The following RNF111 variants were observed in gnomAD, a reference collection of about 807,000 sequenced individuals.
RNF111 encodes ring finger protein 111, also known as E3 ubiquitin-protein ligase Arkadia.
Under a neutral mutation model 95.1 loss-of-function variants are expected in RNF111, and 17 were observed. The observed-to-expected ratio is 0.18, with a 90% confidence interval of 0.12 to 0.27. The LOEUF (loss-of-function observed/expected upper bound fraction) is 0.27, where lower values mean the gene tolerates loss of function less well. Among genes scored for constraint, RNF111 ranks in the 10% least tolerant of loss-of-function variants. RNF111 has a pLI of 1.00. For missense variants in RNF111, 1,189 were observed against 1,210.4 expected, an observed-to-expected ratio of 0.98 and a Z score of 0.26; for synonymous variants, 440 against 414.8, an observed-to-expected ratio of 1.06 and a Z score of -0.74.
intron 1 of RNF111, among the ~76,000 whole-genome samples, chr15:58,994,627 GCCA>G: frequency 6.6e-6 from 1 of 151,140 alleles, no homozygotes; most frequent in African/African-American, 2.4e-5. Flanking sequence ...ATAGGTGCCC[GCCA>G]CCACGTCCAG....
Position 58,988,080 on chromosome 15 carries a change from G to A in RNF111, c.-20+12G>A, listed in dbSNP as rs12905422. 43,886 of 144,718 alleles carry A rather than the reference G, an allele frequency of 0.3. 7,596 individuals are homozygous for A. The highest frequency in any genetic ancestry group is 0.53 in the African/African-American group (19,176 of 36,320). 9.0% of individuals were successfully genotyped at this position (144,718 alleles called of 1,614,324 possible). ...GGCTAATGATTAAGGTGAGGGGAAC[G>A]GGGGGGGAGGGGATCCATTGGAGGC... On this transcript the variant is annotated intron_variant, in intron 1 of 13. Coordinates refer to ENST00000348370, the MANE Select transcript of RNF111 (RefSeq NM_017610.8).
rs567537332 is a variant in RNF111 at position 59,032,446 on chromosome 15, G to T, written c.880+744G>T. ...TTTTTTCCTTTGTTTTTTTGAGGCAGCATCTGGCTTTGTTGCTCAGGCTGG... is the reference window on the plus strand; with the variant it reads ...TTTTTTCCTTTGTTTTTTTGAGGCATCATCTGGCTTTGTTGCTCAGGCTGG... On this transcript the variant is annotated intron_variant, in intron 2 of 13. Coordinates refer to ENST00000348370, the MANE Select transcript of RNF111 (RefSeq NM_017610.8). 6.6e-5 allele frequency among the ~76,000 whole-genome samples: 10 copies of T among 152,088 alleles called. 1 individual carries two copies. Among genetic ancestry groups the T allele is most frequent in the African/African-American group, 2.4e-4 (10 of 41,488 alleles).
chr15:59,032,883 G>A (rs939587577), intron 2 of RNF111, among the ~76,000 whole-genome samples: 15 of 152,094 alleles, frequency 9.9e-5, no homozygotes, highest in South Asian at 4.2e-4. Context: ...TTGCTCATGC[G>A]TGCTGACTCT....
intron 7 of RNF111, among the ~76,000 whole-genome samples, chr15:59,078,630 G>A (rs1341890031): frequency 5.9e-5 from 9 of 151,870 alleles, no homozygotes; most frequent in South Asian, 2.1e-4. Flanking sequence ...AGGCCGAGGC[G>A]GGTGGATCAC....
chr15:59,019,071 G>A (rs1198960461), intron 1 of RNF111, among the ~76,000 whole-genome samples: 2 of 150,640 alleles, frequency 1.3e-5, no homozygotes, highest in African/African-American at 4.9e-5. Context: ...CTTCAGGCAC[G>A]TGCCACCACC....
chr15:59,089,511 T>C (rs2078989860), intron 10 of RNF111, among the ~76,000 whole-genome samples, 156 bp from the exon 11 acceptor site: 1 of 152,224 alleles, frequency 6.6e-6, no homozygotes, highest in South Asian at 2.1e-4. Flanking sequence ...CTAAACCTGT[T>C]ACAGAATGCT....
chr15:59,035,520 T>G (rs762150356), intron 2 of RNF111, among the ~76,000 whole-genome samples: 1 of 152,252 alleles, frequency 6.6e-6, no homozygotes, highest in Non-Finnish European at 1.5e-5. Flanking sequence ...ACATAACTTA[T>G]GCAAATTTCT....
At chr15:59,082,695 A>G (rs756740823) in intron 8 of RNF111, among the ~76,000 whole-genome samples, 5 of 152,206 alleles carry the variant, frequency 3.3e-5, no homozygotes, top group Non-Finnish European at 7.3e-5. Flanking sequence ...AACAGAGAAC[A>G]TACGGCCTGT....
intron 5 of RNF111, among the ~76,000 whole-genome samples, chr15:59,059,725 C>A (rs1483709840): frequency 6.6e-6 from 1 of 152,092 alleles, no homozygotes; most frequent in Non-Finnish European, 1.5e-5. Context: ...ATATCTCTGG[C>A]TCTCTCTTAT....
At chr15:59,014,188 C>T (rs972564891) in intron 1 of RNF111, among the ~76,000 whole-genome samples, 1 of 152,142 alleles carries the variant, frequency 6.6e-6, no homozygotes, top group Non-Finnish European at 1.5e-5. Context: ...CAGCTTGGTT[C>T]CAGTGTCCTG....
chr15:59,015,690 C>G (rs1299482176), intron 1 of RNF111, among the ~76,000 whole-genome samples: 2 of 151,120 alleles, frequency 1.3e-5, no homozygotes, highest in African/African-American at 4.9e-5. Context: ...GTTGCCATTT[C>G]TTAGCATTGT....
chr15:59,074,476 A>ATC (rs1566934362), intron 6 of RNF111, among the ~76,000 whole-genome samples: 1 of 152,136 alleles, frequency 6.6e-6, no homozygotes, highest in Admixed American at 6.5e-5. Flanking sequence ...TTGCACTTTT[A>ATC]TCTTATAGAG....
chr15:59,086,095 C>G (rs16940998), intron 10 of RNF111, among the ~76,000 whole-genome samples: 48,209 of 151,794 alleles, frequency 0.32, 7,654 homozygotes, highest in Middle Eastern at 0.42. Flanking sequence ...GTAATAGATC[C>G]GTTCTGATGC....
chr15:59,038,346 C>T (rs184294127), intron 2 of RNF111, among the ~76,000 whole-genome samples: 312 of 152,180 alleles, frequency 2.1e-3, no homozygotes, highest in Middle Eastern at 0.01. Context: ...CATGTGTAGT[C>T]CATACTGTAT....
chr15:59,018,102 T>G (rs1234523205), intron 1 of RNF111, among the ~76,000 whole-genome samples: 2 of 152,132 alleles, frequency 1.3e-5, no homozygotes, highest in Admixed American at 6.6e-5. Flanking sequence ...AATGCAGCAA[T>G]CATAATTATT....
intron 4 of RNF111, among the ~76,000 whole-genome samples, chr15:59,057,265 C>G: frequency 6.6e-6 from 1 of 152,162 alleles, no homozygotes; most frequent in South Asian, 2.1e-4. Flanking sequence ...TTAGTATTGC[C>G]AAGGTTGAGA....
At chr15:59,025,110 A>G (rs1237362699) in intron 1 of RNF111, among the ~76,000 whole-genome samples, 1 of 152,188 alleles carries the variant, frequency 6.6e-6, no homozygotes, top group African/African-American at 2.4e-5. Context: ...GTTTTTGCAA[A>G]TAATGCTGTT....
At chr15:59,092,015 A>G (rs1161715570) in intron 12 of RNF111, among the ~76,000 whole-genome samples, 3 of 152,208 alleles carry the variant, frequency 2.0e-5, no homozygotes, top group Non-Finnish European at 4.4e-5. Context: ...TTTGCAGCCC[A>G]GGGGTTGGAG....
At chr15:59,046,873 AT>A (rs2041736855) in intron 2 of RNF111, among the ~76,000 whole-genome samples, 1 of 152,072 alleles carries the variant, frequency 6.6e-6, no homozygotes. Flanking sequence ...ATTTTTTATT[AT>A]TATTATTTTG....
Sources: allele counts gnomAD v4.1 joint callset (sites outside exome capture counted in the v4.1 genomes callset), GRCh38; gene constraint gnomAD v4.1.1; transcripts MANE v1.5; gene names NCBI Gene and HGNC (gene_info 2026-07-23, HGNC 2026-07-21).